CDH13: variants seen among roughly 807,000 people sequenced by gnomAD.
CDH13 encodes the protein cadherin-13.
In CDH13, 24 loss-of-function variants were observed where a neutral mutation model predicts 63.8. The observed-to-expected ratio is 0.38, with a 90% CI of 0.27 to 0.53. The LOEUF (loss-of-function observed/expected upper bound fraction) is 0.53, where lower values mean the gene tolerates loss of function less well. Among genes scored for constraint, CDH13 ranks in the 20% least tolerant of loss-of-function variants. The pLI, the probability that CDH13 is intolerant of heterozygous loss-of-function variation, is 0.85. For missense variants in CDH13, 1,049 were observed against 903.1 expected (o/e 1.16, Z -2.07); for synonymous variants, 503 against 355.3 (o/e 1.42, Z -4.67).
chr16:83,426,557 C>A (rs1360841214), intron 6 of CDH13, among the ~76,000 whole-genome samples: 1 of 145,762 alleles, frequency 6.9e-6, no homozygotes, highest in Non-Finnish European at 1.5e-5. Context: ...ATGTGGTTAC[C>A]TTTTTGCCAG....
At chr16:83,198,093 A>G (rs571105462) in intron 4 of CDH13, among the ~76,000 whole-genome samples, 28 of 152,298 alleles carry the variant, frequency 1.8e-4, no homozygotes, top group Non-Finnish European at 3.5e-4. Context: ...ATCCAGTAGG[A>G]CATTGAGCAT....
intron 5 of CDH13, among the ~76,000 whole-genome samples, chr16:83,318,582 A>G (rs1168587640): frequency 6.6e-6 from 1 of 152,192 alleles, no homozygotes; most frequent in African/African-American, 2.4e-5. Context: ...TAGGACATCT[A>G]GAAAGGAATC....
intron 3 of CDH13, among the ~76,000 whole-genome samples, chr16:83,120,416 C>T (rs1437806177): frequency 2.0e-4 from 31 of 152,248 alleles, no homozygotes; most frequent in South Asian, 2.1e-4. Context: ...GAAAGCAATT[C>T]ATGACACTCT....
chr16:82,821,953 C>A (rs1049800471), intron 1 of CDH13, among the ~76,000 whole-genome samples: 1 of 152,172 alleles, frequency 6.6e-6, no homozygotes, highest in Admixed American at 6.5e-5. Context: ...CAAAGGGAAC[C>A]AGGTTCCTCA....
At chr16:83,779,402 ATC>A (rs1915349212) in intron 11 of CDH13, among the ~76,000 whole-genome samples, 1 of 112,326 alleles carries the variant, frequency 8.9e-6, no homozygotes, top group African/African-American at 3.8e-5. Context: ...GCGAGACTCC[ATC>A]TCAAAAAAAA....
At chr16:83,543,217 G>A (rs2075325578) in intron 7 of CDH13, among the ~76,000 whole-genome samples, 1 of 152,200 alleles carries the variant, frequency 6.6e-6, no homozygotes, top group South Asian at 2.1e-4. Flanking sequence ...GTTGCCAGAG[G>A]CTTAATGTGT....
At chr16:83,475,639 T>G (rs1278611072) in intron 6 of CDH13, among the ~76,000 whole-genome samples, 1 of 152,200 alleles carries the variant, frequency 6.6e-6, no homozygotes, top group Non-Finnish European at 1.5e-5. Context: ...TGGAGTGCAG[T>G]GGTGTGATCT....
At chr16:82,845,812 C>T (rs2039233826) in intron 1 of CDH13, among the ~76,000 whole-genome samples, 1 of 152,204 alleles carries the variant, frequency 6.6e-6, no homozygotes, top group South Asian at 2.1e-4. Flanking sequence ...CCTGAGCAGG[C>T]ACATCCTCTG....
At chr16:82,791,472 G>T (rs1364856460) in intron 1 of CDH13, among the ~76,000 whole-genome samples, 1 of 152,222 alleles carries the variant, frequency 6.6e-6, no homozygotes, top group Non-Finnish European at 1.5e-5. Context: ...TTCGAGCAGG[G>T]TGTGGTAACC....
chr16:83,604,801 A>G (rs12447301), intron 8 of CDH13, among the ~76,000 whole-genome samples: 61,810 of 152,112 alleles, frequency 0.41, 12,929 homozygotes, highest in Middle Eastern at 0.45. Flanking sequence ...TATGAAGATG[A>G]ATCTGTGTTA....
intron 6 of CDH13, among the ~76,000 whole-genome samples, chr16:83,411,521 AATTC>A (rs2092125718): frequency 6.6e-6 from 1 of 152,200 alleles, no homozygotes. Context: ...TGAATATTCA[AATTC>A]ATTCATTTAA....
At chr16:83,705,744 G>T (rs976578308) in intron 10 of CDH13, among the ~76,000 whole-genome samples, 1 of 152,198 alleles carries the variant, frequency 6.6e-6, no homozygotes, top group South Asian at 2.1e-4. Context: ...CCCTAAAGCT[G>T]ACCTTACTGT....
intron 5 of CDH13, among the ~76,000 whole-genome samples, chr16:83,282,402 A>G (rs1195025903): frequency 6.6e-6 from 1 of 152,276 alleles, no homozygotes; most frequent in African/African-American, 2.4e-5. Flanking sequence ...AAAGTAGAAT[A>G]AAAGCAAAGC....
chr16:83,132,507 G>C (rs1373042241), intron 4 of CDH13, among the ~76,000 whole-genome samples: 1 of 131,370 alleles, frequency 7.6e-6, no homozygotes, highest in Non-Finnish European at 1.5e-5. Context: ...GAGTGCATTG[G>C]TGCAATCTCT....
chr16:82,933,841 A>G (rs1468169369), intron 2 of CDH13, among the ~76,000 whole-genome samples: 1 of 152,158 alleles, frequency 6.6e-6, no homozygotes, highest in African/African-American at 2.4e-5. Context: ...ATCTCCTTTG[A>G]CTCTGTGTCT....
At chr16:83,549,873 AAGAG>A (rs950664015) in intron 7 of CDH13, among the ~76,000 whole-genome samples, 2 of 151,994 alleles carry the variant, frequency 1.3e-5, no homozygotes, top group Non-Finnish European at 2.9e-5. Context: ...CAGGAGGTGA[AAGAG>A]AGAGAGAGAC....
chr16:83,522,211 T>C (rs2074854622), intron 7 of CDH13, among the ~76,000 whole-genome samples: 1 of 152,304 alleles, frequency 6.6e-6, no homozygotes, highest in East Asian at 1.9e-4. Flanking sequence ...CCTCCACATG[T>C]TTATTGAATC....
At chr16:82,933,454 C>A (rs1184892220) in intron 2 of CDH13, among the ~76,000 whole-genome samples, 1 of 152,154 alleles carries the variant, frequency 6.6e-6, no homozygotes, top group Non-Finnish European at 1.5e-5. Flanking sequence ...ATTCAGATTA[C>A]CATTCAAGAT....
At chr16:83,691,664 C>G (rs1904901009) in intron 10 of CDH13, among the ~76,000 whole-genome samples, 1 of 152,028 alleles carries the variant, frequency 6.6e-6, no homozygotes, top group Non-Finnish European at 1.5e-5. Flanking sequence ...AGCCCGACCG[C>G]AAATCAGCAT....
Sources: allele counts gnomAD v4.1 joint callset (sites outside exome capture counted in the v4.1 genomes callset), GRCh38; gene constraint gnomAD v4.1.1; transcripts MANE v1.5; gene names NCBI Gene and HGNC (gene_info 2026-07-23, HGNC 2026-07-21).